Variants in PCDH15 observed in about 807,000 individuals in gnomAD.
PCDH15 encodes the protein protocadherin-15.
In PCDH15, 129 loss-of-function variants were observed where a neutral mutation model predicts 178.5. The observed-to-expected ratio is 0.72, with a 90% CI of 0.63 to 0.84. The LOEUF is 0.84. Among genes scored for constraint, PCDH15 ranks in the 40% least tolerant of loss-of-function variants. The pLI, the probability that PCDH15 is intolerant of heterozygous loss-of-function variation, is 0.00. For missense variants in PCDH15, 2,230 were observed against 2,099.9 expected (o/e 1.06, Z -1.21); for synonymous variants, 800 against 732.0 (o/e 1.09, Z -1.50).
intron 2 of PCDH15, among the ~76,000 whole-genome samples, chr10:55,355,544 T>C (rs936732303): frequency 3.9e-5 from 6 of 151,998 alleles, no homozygotes; most frequent in Non-Finnish European, 7.4e-5. Context: ...TCTTCCTGGG[T>C]TAAGTGTCCC....
intron 15 of PCDH15, among the ~76,000 whole-genome samples, chr10:54,111,202 C>T (rs1406018187): frequency 6.6e-6 from 1 of 152,114 alleles, no homozygotes; most frequent in Non-Finnish European, 1.5e-5. Flanking sequence ...TCAAGACATG[C>T]AATAAACTCT....
intron 3 of PCDH15, among the ~76,000 whole-genome samples, chr10:54,857,157 A>G (rs2061048): frequency 0.21 from 32,205 of 152,014 alleles, 3,535 homozygotes; most frequent in African/African-American, 0.24. Context: ...CTCTGCATCT[A>G]TATCACTTAT....
chr10:54,566,236 T>C (rs1482987975), intron 2 of PCDH15, among the ~76,000 whole-genome samples: 1 of 152,166 alleles, frequency 6.6e-6, no homozygotes, highest in Non-Finnish European at 1.5e-5. Flanking sequence ...AAGGTATAGA[T>C]ATTTTCCATA....
chr10:55,263,686 G>C (rs1291379773), intron 1 of PCDH15, among the ~76,000 whole-genome samples: 2 of 151,876 alleles, frequency 1.3e-5, no homozygotes, highest in Non-Finnish European at 2.9e-5. Context: ...TCTTTCCCCA[G>C]GATCTCCCCC....
At chr10:53,828,936 A>C (rs2076864220) in intron 30 of PCDH15, among the ~76,000 whole-genome samples, 1 of 152,172 alleles carries the variant, frequency 6.6e-6, no homozygotes, top group Non-Finnish European at 1.5e-5. Flanking sequence ...CTGCTTGAAG[A>C]ATATTACAGG....
chr10:54,052,942 C>T (rs771346454), intron 18 of PCDH15, among the ~76,000 whole-genome samples: 32 of 152,194 alleles, frequency 2.1e-4, no homozygotes, highest in Non-Finnish European at 4.1e-4. Flanking sequence ...TCGCTCTGAA[C>T]CTCTCCTGCC....
rs1356717982 is a variant in PCDH15, at chr10:54,346,363, A to G, written c.594+2T>C. 6.2e-7 allele frequency: 1 copy of G among 1,612,650 alleles called. No homozygotes were observed. The highest frequency in any genetic ancestry group is 1.7e-5 in the Admixed American group (1 of 60,020). ...TTACATTGCAAATAGGTATTTACAT[A>G]CCGGATCATCTGGATTATACTGAAT... On this transcript the variant is annotated splice_donor_variant, in intron 6 of 37. Transcript: ENST00000644397. LOFTEE classifies it high-confidence loss of function.
chr10:55,265,782 GA>G (rs57188577), intron 1 of PCDH15, among the ~76,000 whole-genome samples: 54 of 152,214 alleles, frequency 3.5e-4, no homozygotes, highest in African/African-American at 1.2e-3. Flanking sequence ...ATTCAGTCAA[GA>G]AACAGCTAAT....
intron 3 of PCDH15, among the ~76,000 whole-genome samples, chr10:54,487,500 AAAAT>A (rs2079195047): frequency 6.6e-6 from 1 of 152,074 alleles, no homozygotes; most frequent in Non-Finnish European, 1.5e-5. Flanking sequence ...TATACAAATA[AAAAT>A]AAATCACTAA....
chr10:54,186,369 A>G (rs1186939219), intron 11 of PCDH15, among the ~76,000 whole-genome samples: 9 of 152,062 alleles, frequency 5.9e-5, no homozygotes, highest in Non-Finnish European at 1.5e-5. Flanking sequence ...TAGAACTCAT[A>G]ATTTCAAAAT....
intron 3 of PCDH15, among the ~76,000 whole-genome samples, chr10:54,853,277 G>A (rs571218432): frequency 2.2e-3 from 204 of 91,892 alleles, no homozygotes; most frequent in South Asian, 4.5e-3. Flanking sequence ...ATATATATGT[G>A]TATGTATGTG....
intron 3 of PCDH15, among the ~76,000 whole-genome samples, chr10:54,421,959 A>G (rs1955576520): frequency 7.1e-6 from 1 of 140,500 alleles, no homozygotes; most frequent in African/African-American, 2.7e-5. Context: ...ATATATATAT[A>G]TATATTTAGG....
chr10:55,529,226 G>A (rs545169092), intron 2 of PCDH15, among the ~76,000 whole-genome samples: 1 of 152,158 alleles, frequency 6.6e-6, no homozygotes, highest in East Asian at 1.9e-4. Context: ...AAGCTCTTTA[G>A]TTTAATTAGA....
chr10:55,271,717 A>T (rs773365535), intron 1 of PCDH15, among the ~76,000 whole-genome samples: 5 of 152,026 alleles, frequency 3.3e-5, no homozygotes, highest in Admixed American at 6.5e-5. Context: ...ACACTGTGGT[A>T]CTAGGTCTTG....
intron 2 of PCDH15, among the ~76,000 whole-genome samples, chr10:55,125,163 T>TTTTGTGTGTGTGTG (rs1554833072): frequency 0.026 from 3,771 of 143,058 alleles, 66 homozygotes; most frequent in Non-Finnish European, 0.04. Context: ...TTTTTTTTAA[T>TTTTGTGTGTGTGTG]TGTGTGTGTG....
chr10:54,442,867 G>A (rs1443289692), intron 3 of PCDH15, among the ~76,000 whole-genome samples: 11 of 151,488 alleles, frequency 7.3e-5, no homozygotes, highest in African/African-American at 2.7e-4. Flanking sequence ...ATTGTTTATT[G>A]TATCTAAATT....
chr10:55,350,056 C>A (rs892797633), intron 2 of PCDH15, among the ~76,000 whole-genome samples: 19 of 151,612 alleles, frequency 1.3e-4, no homozygotes, highest in Admixed American at 6.6e-4. Flanking sequence ...ACAGAAGTAA[C>A]ACTCAATCCC....
At chr10:55,138,244 T>C (rs1838256987) in intron 2 of PCDH15, among the ~76,000 whole-genome samples, 1 of 152,140 alleles carries the variant, frequency 6.6e-6, no homozygotes, top group African/African-American at 2.4e-5. Context: ...ATACTTATAA[T>C]AAAAAATGTA....
intron 8 of PCDH15, among the ~76,000 whole-genome samples, chr10:54,314,514 A>G (rs2061115046): frequency 6.6e-6 from 1 of 152,152 alleles, no homozygotes; most frequent in Non-Finnish European, 1.5e-5. Context: ...TAAAAGATAA[A>G]TAAAAATGAA....
Sources: gnomAD v4.1 joint callset for allele counts (sites outside exome capture counted in the v4.1 genomes callset) on GRCh38, gnomAD v4.1.1 for gene constraint, MANE v1.5 for transcripts, NCBI Gene and HGNC (gene_info 2026-07-23, HGNC 2026-07-21) for gene names.